The following CDC73 variants were observed in gnomAD, a reference collection of about 807,000 sequenced individuals.
CDC73 encodes the protein cell division cycle 73.
Under a neutral mutation model 83.7 loss-of-function variants are expected in CDC73, and 21 were observed. The observed-to-expected ratio is 0.25, with a 90% CI of 0.18 to 0.36. The LOEUF (loss-of-function observed/expected upper bound fraction) is 0.36. Ranked by LOEUF, CDC73 falls within the 10% of genes least tolerant of loss-of-function variation. CDC73 has a pLI of 1.00. For synonymous variants in CDC73, 224 were observed against 212.9 expected, an observed-to-expected ratio of 1.05 and a Z score of -0.45; for missense variants, 342 against 653.3, an observed-to-expected ratio of 0.52 and a Z score of 5.19.
chr1:193,245,926 G>A (rs573634188), intron 15 of CDC73, among the ~76,000 whole-genome samples: 13 of 152,040 alleles, frequency 8.6e-5, no homozygotes, highest in Admixed American at 7.2e-4. Context: ...GACTATTTTT[G>A]TGTCTTCTTT....
chr1:193,207,477 T>C (rs375367740), intron 11 of CDC73, among the ~76,000 whole-genome samples: 9 of 152,138 alleles, frequency 5.9e-5, no homozygotes, highest in Non-Finnish European at 1.2e-4. Context: ...TCAGTCCTTA[T>C]CTCAACCACA....
intron 10 of CDC73, among the ~76,000 whole-genome samples, chr1:193,187,430 C>T (rs1224240432): frequency 6.6e-6 from 1 of 152,098 alleles, no homozygotes; most frequent in African/African-American, 2.4e-5. Flanking sequence ...TGCCATGAGG[C>T]AGATTTTATT....
intron 3 of CDC73, among the ~76,000 whole-genome samples, chr1:193,130,818 A>G (rs1323203799): frequency 2.0e-5 from 3 of 152,122 alleles, no homozygotes; most frequent in Admixed American, 1.3e-4. Context: ...TGACCTCTCA[A>G]CAGCATTTGA....
In CDC73 at chr1:193,131,861, T is replaced by C. The variant is rs768219116; in HGVS notation, c.307+1618T>C. ...GAAAATATAGTATTCCTTTCCTCCT[T>C]CTGTGGTTTTTATATAGTGCCATCC... On this transcript the variant is annotated intron_variant, in intron 3 of 16. Transcript: ENST00000367435. 1.5e-4 allele frequency among the ~76,000 whole-genome samples: 23 copies of C among 152,202 alleles called. 1 individual carries two copies. Among genetic ancestry groups the C allele is most frequent in the Non-Finnish European group, 2.2e-4 (15 of 68,036 alleles).
chr1:193,243,237 GCTTA>G (rs1677893577), intron 15 of CDC73, among the ~76,000 whole-genome samples: 1 of 151,766 alleles, frequency 6.6e-6, no homozygotes, highest in South Asian at 2.1e-4. Flanking sequence ...ACCGTGCCCA[GCTTA>G]CTTCTTGTTT....
At chr1:193,216,965 G>GTC (rs1405608639) in intron 13 of CDC73, among the ~76,000 whole-genome samples, 1 of 152,296 alleles carries the variant, frequency 6.6e-6, no homozygotes, top group East Asian at 1.9e-4. Context: ...GTCTATGACA[G>GTC]TCCTACAGCC....
intron 14 of CDC73, 141 bp downstream of exon 14, chr1:193,233,295 T>A: frequency 1.3e-6 from 1 of 754,288 alleles, no homozygotes; most frequent in Non-Finnish European, 2.3e-6. Flanking sequence ...TCCTGGGCTC[T>A]GTCAGTCCTC....
chr1:193,224,351 A>G (rs957203485), intron 13 of CDC73, among the ~76,000 whole-genome samples: 1 of 152,026 alleles, frequency 6.6e-6, no homozygotes, highest in Non-Finnish European at 1.5e-5. Flanking sequence ...ATATATATAT[A>G]TATATGAAAT....
intron 15 of CDC73, among the ~76,000 whole-genome samples, chr1:193,242,286 G>A (rs1186481751): frequency 6.6e-6 from 1 of 152,148 alleles, no homozygotes; most frequent in Non-Finnish European, 1.5e-5. Context: ...GCATCTTGTG[G>A]TCTCTAGGCA....
intron 10 of CDC73, chr1:193,181,159 TGG>T: frequency 6.2e-7 from 1 of 1,613,948 alleles, no homozygotes; most frequent in South Asian, 1.1e-5. Context: ...ATATTTGAAA[TGG>T]TAAGAATTTG....
intron 10 of CDC73, among the ~76,000 whole-genome samples, chr1:193,185,541 G>C (rs1021901670): frequency 6.6e-6 from 1 of 151,590 alleles, no homozygotes; most frequent in Admixed American, 6.6e-5. Context: ...TACATATTAA[G>C]GTTTTGTTTT....
chr1:193,186,917 C>T (rs1187669917), intron 10 of CDC73, among the ~76,000 whole-genome samples: 2 of 151,974 alleles, frequency 1.3e-5, no homozygotes, highest in Non-Finnish European at 2.9e-5. Context: ...TTTCATGTTT[C>T]TTACATGCTT....
chr1:193,251,804 A>G lies in CDC73; in HGVS notation c.*1092A>G, dbSNP rs886045720. ...TCAGACAAAATGTTGCATCCAAGGT[A>G]CATCAAGTGACCATTTGCCTTGAAC... On this transcript the variant is annotated 3_prime_UTR_variant, in exon 17 of 17. Transcript: ENST00000367435. 2.6e-5 allele frequency: 6 copies of G among 231,730 alleles called. No homozygotes were observed. Among genetic ancestry groups the G allele is most frequent in the African/African-American group, 1.1e-4 (5 of 45,226 alleles). The allele number at this position is 231,730 out of a possible 1,614,324, so 14.4% of individuals were successfully genotyped here.
intron 9 of CDC73, among the ~76,000 whole-genome samples, chr1:193,151,603 A>G (rs1035323357): frequency 5.9e-5 from 9 of 152,344 alleles, no homozygotes; most frequent in Admixed American, 1.3e-4. Context: ...CACTCCAATC[A>G]TTATTTACAA....
At chr1:193,182,232 A>G (rs1426390964) in intron 10 of CDC73, among the ~76,000 whole-genome samples, 2 of 152,100 alleles carry the variant, frequency 1.3e-5, no homozygotes, top group Non-Finnish European at 2.9e-5. Context: ...TGTGTTGAGA[A>G]AGTCAATGAG....
At chr1:193,158,464 C>G (rs1676245897) in intron 10 of CDC73, among the ~76,000 whole-genome samples, 1 of 151,174 alleles carries the variant, frequency 6.6e-6, no homozygotes, top group African/African-American at 2.4e-5. Flanking sequence ...GAGTTTGAGA[C>G]CAGCCTGTGC....
chr1:193,181,465 A>G, intron 10 of CDC73: 1 of 1,614,098 alleles, frequency 6.2e-7, no homozygotes, highest in Non-Finnish European at 8.5e-7. Context: ...AAGAAACACT[A>G]GAGAAAGTAC....
At chr1:193,168,100 A>G (rs1453667884) in intron 10 of CDC73, among the ~76,000 whole-genome samples, 1 of 152,050 alleles carries the variant, frequency 6.6e-6, no homozygotes, top group Non-Finnish European at 1.5e-5. Context: ...ACCTCAAGTG[A>G]TCTGCCCGCC....
chr1:193,243,821 C>T (rs1677903683), intron 15 of CDC73, among the ~76,000 whole-genome samples: 1 of 151,876 alleles, frequency 6.6e-6, no homozygotes, highest in East Asian at 1.9e-4. Context: ...TTTATAAAAG[C>T]AAATAAATTA....
Sources: gnomAD v4.1 joint callset for allele counts (sites outside exome capture counted in the v4.1 genomes callset) on GRCh38, gnomAD v4.1.1 for gene constraint, MANE v1.5 for transcripts, NCBI Gene and HGNC (gene_info 2026-07-23, HGNC 2026-07-21) for gene names.